LIPA: variants seen among roughly 807,000 people sequenced by gnomAD.
The protein encoded by LIPA is lysosomal acid lipase/cholesteryl ester hydrolase.
LIPA carries 26 observed loss-of-function variants against 40.6 expected under a neutral mutation model. That is an observed-to-expected ratio of 0.64 (90% CI 0.47 to 0.89). LIPA has a LOEUF of 0.89. Among genes scored for constraint, LIPA ranks in the 40% least tolerant of loss-of-function variants. LIPA has a pLI of 0.00. For missense variants in LIPA, 455 were observed against 479.6 expected, an observed-to-expected ratio of 0.95 and a Z score of 0.48; for synonymous variants, 188 against 168.4, an observed-to-expected ratio of 1.12 and a Z score of -0.90.
upstream of LIPA, among the ~76,000 whole-genome samples, chr10:89,253,321 G>A (rs974329337): frequency 7.2e-5 from 11 of 152,174 alleles, no homozygotes; most frequent in Non-Finnish European, 2.9e-5. Flanking sequence ...GACTGGGGAG[G>A]CCTCACAATC....
chr10:89,244,194 C>T (rs1180294812), intron 3 of LIPA, among the ~76,000 whole-genome samples: 2 of 152,004 alleles, frequency 1.3e-5, no homozygotes, highest in Non-Finnish European at 2.9e-5. Context: ...AAATGGTTGT[C>T]GTGGCCACCT....
chr10:89,403,795 G>A, intron 2 of LIPA: 2 of 756,744 alleles, frequency 2.6e-6, no homozygotes, highest in South Asian at 3.8e-5. Context: ...ACTGTTTTCA[G>A]AAACATTATA....
intron 1 of LIPA, among the ~76,000 whole-genome samples, chr10:89,275,439 G>A (rs373033765): frequency 2.0e-5 from 3 of 152,186 alleles, no homozygotes; most frequent in African/African-American, 4.8e-5. Context: ...ACTGCAGCTC[G>A]TGGTTGTGGT....
chr10:89,366,404 T>C (rs1844057299), intron 2 of LIPA, among the ~76,000 whole-genome samples: 2 of 152,202 alleles, frequency 1.3e-5, no homozygotes, highest in Non-Finnish European at 2.9e-5. Context: ...CAGGGACAAT[T>C]TGACTTCCTC....
chr10:89,246,624 G>A (rs949232594), intron 2 of LIPA, among the ~76,000 whole-genome samples: 6 of 152,130 alleles, frequency 3.9e-5, no homozygotes, highest in Admixed American at 3.3e-4. Flanking sequence ...CTTCAGCTGG[G>A]TCACTGCAAC....
At chr10:89,409,036 G>T (rs1841448112) in intron 2 of LIPA, among the ~76,000 whole-genome samples, 1 of 152,192 alleles carries the variant, frequency 6.6e-6, no homozygotes. Flanking sequence ...CTAAGGGAAA[G>T]GAAGAAAATC....
intron 2 of LIPA, among the ~76,000 whole-genome samples, chr10:89,394,770 A>G (rs546750817): frequency 3.4e-4 from 52 of 152,054 alleles, no homozygotes; most frequent in Non-Finnish European, 6.8e-4. Flanking sequence ...TGCAATCATC[A>G]TCACTATCTA....
exon 2 of LIPA, chr10:89,412,913 C>T (rs1350670995): frequency 1.2e-5 from 3 of 253,604 alleles, no homozygotes; most frequent in East Asian, 1.4e-4. Context: ...TCACCAAGAC[C>T]AAAAACCTAC....
intron 1 of LIPA, chr10:89,332,554 G>A (rs1241441787): frequency 3.7e-6 from 6 of 1,613,542 alleles, no homozygotes; most frequent in Non-Finnish European, 5.1e-6. Flanking sequence ...GCATTTGCTT[G>A]GAATCAGTAA....
chr10:89,225,166 C>T lies in LIPA; in HGVS notation c.601G>A (p.Gly201Ser). 1.2e-6 allele frequency: 2 copies of T among 1,613,996 alleles called. No homozygotes were observed. Among genetic ancestry groups the T allele is most frequent in the East Asian group, 2.2e-5 (1 of 44,878 alleles). The change falls in exon 6 of 10, where the codon GGT becomes AGT. Residue 201 changes from glycine (G) to serine (S), a missense_variant. Physicochemically the swap from Gly to Ser is moderately conservative, Grantham distance 56. Coordinates refer to ENST00000336233, the MANE Select transcript of LIPA (RefSeq NM_000235.4). ...CAGAAGGCGACGGAAGCCACAGGAC[C>T]CAGGGCAAAAAACATTTTAATCCTT... ...AKRIKMFFAL[G>S]PVASVAFCTS...
At chr10:89,301,414 A>G (rs2133517348) in intron 1 of LIPA, among the ~76,000 whole-genome samples, 1 of 152,354 alleles carries the variant, frequency 6.6e-6, no homozygotes, top group East Asian at 1.9e-4. Context: ...TATAAGGCAG[A>G]GCAAAGATGG....
intron 1 of LIPA, chr10:89,338,627 TA>T (rs1843786638): frequency 1.3e-6 from 2 of 1,584,798 alleles, no homozygotes; most frequent in Non-Finnish European, 1.7e-6. Flanking sequence ...CTTGGCAGTG[TA>T]CATCACAGTG....
In LIPA at chr10:89,225,233, G is replaced by C. The variant is rs2297472; in HGVS notation, c.539-5C>G. ...TCTGTGAAAATGCTATAAAACCTGT[G>C]AGAACAAAGGACAGAAAACAGGAAT... On this transcript the variant is annotated splice_polypyrimidine_tract_variant and splice_region_variant and intron_variant, in intron 5 of 9. Coordinates refer to ENST00000336233, the MANE Select transcript of LIPA (RefSeq NM_000235.4). The C allele has an allele frequency of 3.1e-6, 5 of 1,613,780 alleles. No individual in the cohort carries two copies. Among genetic ancestry groups the C allele is most frequent in the African/African-American group, 1.3e-5 (1 of 74,868 alleles).
Position 89,340,019 on chromosome 10 carries a change from G to A in LIPA, c.-2+2592C>T, listed in dbSNP as rs139766126. On this transcript the variant is annotated intron_variant, in intron 1 of 5. Transcript: ENST00000282673. ...AGGGATGCCCCTTCAGGCATAGGCA[G>A]TATTTTCCTGTCAGCATCTGAGCTT... The A allele has an allele frequency of 6.1e-4, 985 of 1,614,232 alleles. 12 individuals carry two copies. The highest frequency in any genetic ancestry group is 8.4e-5 in the Non-Finnish European group (99 of 1,180,032).
At position 89,408,129 on chromosome 10, in the gene LIPA, G is replaced by A. The variant is rs575760788; in HGVS notation, c.61+4662C>T. On this transcript the variant is annotated intron_variant, in intron 2 of 8. Transcript: ENST00000371837. ...AAGGAAAACACTCAGGTATCAACAG[G>A]CTCACCCTTGAAATGCATCCTAAGC... 3.3e-5 allele frequency among the ~76,000 whole-genome samples: 5 copies of A among 152,252 alleles called. No individual in the cohort carries two copies. The South Asian group carries it at 1.0e-3, about 32-fold the overall frequency.
chr10:89,383,815 C>G, intron 2 of LIPA: 1 of 1,614,210 alleles, frequency 6.2e-7, no homozygotes, highest in Non-Finnish European at 8.5e-7. Flanking sequence ...TGAAAAGGCT[C>G]TGGAAGGGAA....
At chr10:89,331,531 T>A (rs1843650469) in intron 1 of LIPA, among the ~76,000 whole-genome samples, 1 of 152,118 alleles carries the variant, frequency 6.6e-6, no homozygotes, top group Non-Finnish European at 1.5e-5. Flanking sequence ...TACTATTGAT[T>A]ACAGTCCAAG....
chr10:89,260,112 T>C (rs1843199973), intron 1 of LIPA, among the ~76,000 whole-genome samples: 1 of 152,228 alleles, frequency 6.6e-6, no homozygotes, highest in African/African-American at 2.4e-5. Context: ...CCTTGCTATA[T>C]GACAGATATA....
At chr10:89,393,758 T>C (rs1427022932) in intron 2 of LIPA, among the ~76,000 whole-genome samples, 1 of 152,140 alleles carries the variant, frequency 6.6e-6, no homozygotes, top group Non-Finnish European at 1.5e-5. Context: ...AAAAAATCCA[T>C]TACTTAATAC....
Sources: gnomAD v4.1 joint callset for allele counts (sites outside exome capture counted in the v4.1 genomes callset) on GRCh38, gnomAD v4.1.1 for gene constraint, MANE v1.5 for transcripts, NCBI Gene and HGNC (gene_info 2026-07-23, HGNC 2026-07-21) for gene names.